Variants in CCL3 observed in about 807,000 individuals in gnomAD.
CCL3 encodes C-C motif chemokine ligand 3, also known as C-C motif chemokine 3.
A neutral mutation model predicts 8.1 loss-of-function variants in CCL3; 6 were observed. The observed-to-expected ratio is 0.74, with a 90% CI of 0.41 to 1.46. The LOEUF (loss-of-function observed/expected upper bound fraction) is 1.46. Among genes scored for constraint, CCL3 ranks in the 40% most tolerant of loss-of-function variants. CCL3 has a pLI of 0.02. For missense variants in CCL3, 109 were observed against 117.7 expected, an observed-to-expected ratio of 0.93 and a Z score of 0.34; for synonymous variants, 45 against 45.1, an observed-to-expected ratio of 1.00 and a Z score of 0.01.
chr17:36,089,837 A>G lies in CCL3; in HGVS notation c.73+149T>C, dbSNP rs570084730. 1.9e-4 allele frequency: 151 copies of G among 813,512 alleles called. No homozygotes were observed. In the African/African-American group the frequency reaches 2.3e-3, roughly 12 times the overall value. The allele number at this position is 813,512 out of a possible 1,614,324, so 50.4% of individuals were successfully genotyped here. On this transcript the variant is annotated intron_variant, in intron 1 of 2. Coordinates refer to ENST00000613922, the MANE Select transcript of CCL3 (RefSeq NM_002983.3). The stretch of plus-strand genomic sequence containing the variant: ...GCTAAGACCCCTTCTAGAGATAAAA[A>G]TAAAAGTCTTAAAGAGAAAGACCAA...
rs764426935 is a variant in CCL3 at position 36,089,278 on chromosome 17, G to A, written c.93C>T (p.Thr31=). 1.2e-5 allele frequency: 20 copies of A among 1,613,956 alleles called. No individual in the cohort carries two copies. The highest frequency in any genetic ancestry group is 3.3e-5 in the South Asian group (3 of 91,080). ...GGGAGGTGTAGCTGAAGCAGCAGGC[G>A]GTCGGCGTGTCAGCAGCAACTGTGG... ...FSASLAADTP[T]ACCFSYTSRQ... is the part of the protein sequence containing the mutation. The change falls in exon 2 of 3, where the codon ACC becomes ACT. Residue 31 remains threonine (T), a synonymous_variant. Coordinates refer to ENST00000613922, the MANE Select transcript of CCL3 (RefSeq NM_002983.3).
rs1251992195 is a variant in CCL3, at chr17:36,089,986, G to C, written c.73C>G (p.Leu25Val). The change falls in exon 1 of 3, where the codon CTT (leucine) becomes GTT (valine). Residue 25 changes from leucine (L) to valine (V), a missense_variant and splice_region_variant. By Grantham distance (32) the Leu-to-Val change is conservative. Transcript: ENST00000613922. ...MALCNQFSASLAADTPTACCF... is the reference protein window; with the variant it reads ...MALCNQFSASVAADTPTACCF... ...TACCCACAACGAAACTCAGACTCACGTGATGCAGAGAACTGGTTGCAGAGA... is the reference window on the plus strand; with the variant it reads ...TACCCACAACGAAACTCAGACTCACCTGATGCAGAGAACTGGTTGCAGAGA... 1 of 1,613,530 alleles carries C rather than the reference G, an allele frequency of 6.2e-7. No individual in the cohort carries two copies. The highest frequency in any genetic ancestry group is 8.5e-7 in the Non-Finnish European group (1 of 1,179,688).
Position 36,090,085 on chromosome 17 carries a change from G to A in CCL3, c.-27C>T. 1 of 1,607,162 alleles carries A rather than the reference G, an allele frequency of 6.2e-7. No individual in the cohort carries two copies. Among genetic ancestry groups the A allele is most frequent in the Non-Finnish European group, 8.5e-7 (1 of 1,175,422 alleles). On this transcript the variant is annotated 5_prime_UTR_variant, in exon 1 of 3. Coordinates refer to ENST00000613922, the MANE Select transcript of CCL3 (RefSeq NM_002983.3). Reference sequence around the variant, plus strand: ...ATTCTGAGCAGGTGACGGAATGTGGGCTCGAGTGTCAGCAGAGCCAAGAAA... The same window carrying A: ...ATTCTGAGCAGGTGACGGAATGTGGACTCGAGTGTCAGCAGAGCCAAGAAA...
Position 36,090,032 on chromosome 17 carries a change from A to G in CCL3, c.27T>C (p.Ala9=), listed in dbSNP as rs1302349644. The change falls in exon 1 of 3, where the codon GCT becomes GCC. Residue 9 remains alanine, a synonymous_variant. Transcript: ENST00000613922. MQVSTAAL[A]VLLCTMALCN... is the part of the protein sequence containing the mutation. ...AGAGAGCCATGGTGCAGAGGAGGACAGCAAGGGCAGCAGTGGAGACCTGCA... is the reference window on the plus strand; with the variant it reads ...AGAGAGCCATGGTGCAGAGGAGGACGGCAAGGGCAGCAGTGGAGACCTGCA... 6 of 1,613,694 alleles carry G rather than the reference A, an allele frequency of 3.7e-6. No individual in the cohort carries two copies. Among genetic ancestry groups the G allele is most frequent in the Non-Finnish European group, 5.1e-6 (6 of 1,180,034 alleles).
At position 36,089,257 on chromosome 17, in the gene CCL3, G is replaced by T. The variant is rs1221133477; in HGVS notation, c.114C>A (p.Thr38=). ...TGAAATTCTGTGGAATCTGCCGGGA[G>T]GTGTAGCTGAAGCAGCAGGCGGTCG... The part of the protein sequence containing the change: ...DTPTACCFSY[T]SRQIPQNFIA... Residue 38 remains threonine, a synonymous_variant, in exon 2 of 3, where the codon ACC becomes ACA. Transcript: ENST00000613922. The T allele has an allele frequency of 1.2e-6, 2 of 1,614,074 alleles. No individual in the cohort carries two copies. Among genetic ancestry groups the T allele is most frequent in the Admixed American group, 3.3e-5 (2 of 60,020 alleles).
At chr17:36,089,844 T>C (rs1251049136) in intron 1 of CCL3, 142 bp downstream of exon 1, 1 of 831,492 alleles carries the variant, frequency 1.2e-6, no homozygotes, top group Admixed American at 2.0e-5. Flanking sequence ...AAAATAAAAG[T>C]CTTAAAGAGA....
chr17:36,089,032 C>T, intron 2 of CCL3, 151 bp downstream of exon 2: 1 of 1,081,788 alleles, frequency 9.2e-7, no homozygotes, highest in Non-Finnish European at 1.4e-6. Flanking sequence ...CACTCCAGCT[C>T]CAAGTCAGGT....
At position 36,088,443 on chromosome 17, in the gene CCL3, A is replaced by G; in HGVS notation, c.*229T>C. The G allele has an allele frequency of 1.8e-6, 1 of 560,932 alleles. No homozygotes were observed. Among genetic ancestry groups the G allele is most frequent in the South Asian group, 2.3e-5 (1 of 43,476 alleles). 34.7% of individuals were successfully genotyped at this position (560,932 alleles called of 1,614,324 possible). A position where few individuals can be genotyped will look rare whatever the true frequency, so the allele number is the denominator to read the frequency against. On this transcript the variant is annotated 3_prime_UTR_variant, in exon 3 of 3. Coordinates refer to ENST00000613922, the MANE Select transcript of CCL3 (RefSeq NM_002983.3). ...GGGGAGGGGACAGGGGAACTCTCAG[A>G]GCAAACAATCACAAACACACTGTGA...
At chr17:36,088,854 G>T in intron 2 of CCL3, 92 bp from the exon 3 acceptor site, 1 of 1,517,704 alleles carries the variant, frequency 6.6e-7, no homozygotes, top group Non-Finnish European at 9.1e-7. Context: ...CTCTGTCCTG[G>T]GCAGCTCAGG....
At chr17:36,089,938 T>C (rs1403181039) in intron 1 of CCL3, 48 bp downstream of exon 1, 1 of 1,555,090 alleles carries the variant, frequency 6.4e-7, no homozygotes, top group African/African-American at 1.4e-5. Context: ...TGATGTGGTC[T>C]AACCATGGCC....
At position 36,088,477 on chromosome 17, in the gene CCL3, A is replaced by G. The variant is rs1380213973; in HGVS notation, c.*195T>C. On this transcript the variant is annotated 3_prime_UTR_variant, in exon 3 of 3. Transcript: ENST00000613922. ...TCACAAACACACTGTGAAATCGAAA[A>G]TAAATTACAAAAACTAAATAGTATA... 1.3e-5 allele frequency: 8 copies of G among 629,524 alleles called. No individual in the cohort carries two copies. The highest frequency in any genetic ancestry group is 4.4e-4 in the Middle Eastern group (1 of 2,274). 39.0% of individuals were successfully genotyped at this position (629,524 alleles called of 1,614,324 possible).
chr17:36,089,334 C>T (rs767959282), intron 1 of CCL3, 37 bp from the exon 2 acceptor site: 1 of 1,613,914 alleles, frequency 6.2e-7, no homozygotes, highest in South Asian at 1.1e-5. Context: ...CGAGTCACAG[C>T]TCAGAAGAAA....
Position 36,090,127 on chromosome 17 carries a change from G to T in CCL3, c.-69C>A. The T allele has an allele frequency of 1.4e-6, 2 of 1,430,900 alleles. No homozygotes were observed. Among genetic ancestry groups the T allele is most frequent in the East Asian group, 2.4e-5 (1 of 42,174 alleles). The allele number at this position is 1,430,900 out of a possible 1,614,324, so 88.6% of individuals were successfully genotyped here. A position where few individuals can be genotyped will look rare whatever the true frequency, so the allele number is the denominator to read the frequency against. ...GCCAAGAAAGGACTGACCACTGTCT[G>T]CTGCCCGTGTCCTTCTGAAGTCTGA... is the stretch of plus-strand genomic sequence containing the variant. On this transcript the variant is annotated 5_prime_UTR_variant, in exon 1 of 3. Coordinates refer to ENST00000613922, the MANE Select transcript of CCL3 (RefSeq NM_002983.3).
At position 36,088,533 on chromosome 17, in the gene CCL3, C is replaced by T. The variant is rs925610395; in HGVS notation, c.*139G>A. 3.6e-6 allele frequency: 3 copies of T among 836,846 alleles called. No individual in the cohort carries two copies. In the African/African-American group the frequency reaches 5.2e-5, roughly 14 times the overall value. 51.8% of individuals were successfully genotyped at this position (836,846 alleles called of 1,614,324 possible). A position where few individuals can be genotyped will look rare whatever the true frequency, so the allele number is the denominator to read the frequency against. The stretch of plus-strand genomic sequence containing the variant: ...ATTAAAATTTAAGTTAAGAAGAGTC[C>T]CACAGTGTGGCTGTTTGGCAACAAC... On this transcript the variant is annotated 3_prime_UTR_variant, in exon 3 of 3. Coordinates refer to ENST00000613922, the MANE Select transcript of CCL3 (RefSeq NM_002983.3).
chr17:36,088,733 C>A lies in CCL3; in HGVS notation c.218G>T (p.Cys73Phe), dbSNP rs147323689. 6.2e-7 allele frequency: 1 copy of A among 1,613,772 alleles called. No individual in the cohort carries two copies. The highest frequency in any genetic ancestry group is 1.3e-5 in the African/African-American group (1 of 74,902). The change falls in exon 3 of 3, where the codon TGT becomes TTT. Residue 73 changes from cysteine (C) to phenylalanine (F), a missense_variant. Physicochemically the swap from Cys to Phe is radical, Grantham distance 205. Coordinates refer to ENST00000613922, the MANE Select transcript of CCL3 (RefSeq NM_002983.3). ...GACCCACTCCTCACTGGGGTCAGCA[C>A]AGACCTGCCGGCTTCGCTTGGTTAG... ...IFLTKRSRQVCADPSEEWVQK... is the reference protein window; with the variant it reads ...IFLTKRSRQVFADPSEEWVQK...
intron 1 of CCL3, chr17:36,089,647 G>A: frequency 1.5e-6 from 1 of 648,864 alleles, no homozygotes; most frequent in South Asian, 1.5e-5. Context: ...GCTCCTGGGA[G>A]ACCTAGAGTG....
At chr17:36,088,906 G>A in intron 2 of CCL3, 144 bp from the exon 3 acceptor site, 1 of 1,126,858 alleles carries the variant, frequency 8.9e-7, no homozygotes, top group Non-Finnish European at 1.3e-6. Context: ...TCTCTGTCTA[G>A]AGAGCTTCTC....
Position 36,088,743 on chromosome 17 carries a change from G to A in CCL3, c.208C>T (p.Arg70Trp), listed in dbSNP as rs3210157. ...TCACTGGGGTCAGCACAGACCTGCC[G>A]GCTTCGCTTGGTTAGGAAGCTGTGG... is the stretch of plus-strand genomic sequence containing the variant. Reference protein sequence around the residue: ...PGVIFLTKRSRQVCADPSEEW... With the variant: ...PGVIFLTKRSWQVCADPSEEW... The change falls in exon 3 of 3, where the codon CGG becomes TGG. Residue 70 changes from arginine (R) to tryptophan (W), a missense_variant. Physicochemically the swap from Arg to Trp is moderately radical, Grantham distance 101. Transcript: ENST00000613922. 30 of 1,613,892 alleles carry A rather than the reference G, an allele frequency of 1.9e-5. No individual in the cohort carries two copies. The South Asian group carries it at 2.1e-4, about 11-fold the overall frequency.
At chr17:36,088,826 T>C in intron 2 of CCL3, 64 bp from the exon 3 acceptor site, 2 of 1,593,468 alleles carry the variant, frequency 1.3e-6, no homozygotes, top group Non-Finnish European at 1.7e-6. Flanking sequence ...GGGCCCACCA[T>C]GGCCCCACCA....
Sources: allele counts gnomAD v4.1 joint callset, GRCh38; gene constraint gnomAD v4.1.1; transcripts MANE v1.5; gene names NCBI Gene and HGNC (gene_info 2026-07-23, HGNC 2026-07-21).